The following TBXAS1 variants were observed in gnomAD, a reference collection of about 807,000 sequenced individuals.
The protein encoded by TBXAS1 is thromboxane A synthase 1.
A neutral mutation model predicts 60.7 loss-of-function variants in TBXAS1; 48 were observed. That is an observed-to-expected ratio of 0.79 (90% CI 0.63 to 1.01). The LOEUF is 1.01. TBXAS1 is among the 50% of genes least tolerant of loss of function. TBXAS1 has a pLI of 0.00. For synonymous variants in TBXAS1, 287 were observed against 269.7 expected, an observed-to-expected ratio of 1.06 and a Z score of -0.63; for missense variants, 685 against 686.3, an observed-to-expected ratio of 1.00 and a Z score of 0.02.
chr7:139,802,307 A>G (rs147176501), intron 4 of TBXAS1, among the ~76,000 whole-genome samples: 103 of 152,316 alleles, frequency 6.8e-4, no homozygotes, highest in African/African-American at 2.4e-3. Context: ...GAATAGTTGC[A>G]TAGGTTACAC....
intron 3 of TBXAS1, among the ~76,000 whole-genome samples, chr7:139,893,356 A>ACACACG (rs1803802438): frequency 6.6e-6 from 1 of 151,834 alleles, no homozygotes; most frequent in Non-Finnish European, 1.5e-5. Context: ...ACACACACAC[A>ACACACG]CACACACACA....
intron 1 of TBXAS1, among the ~76,000 whole-genome samples, chr7:139,856,268 G>A (rs188703022): frequency 6.6e-6 from 1 of 152,182 alleles, no homozygotes; most frequent in Non-Finnish European, 1.5e-5. Flanking sequence ...TTGTGGCAAT[G>A]CTCCTGCTAA....
chr7:139,954,692 A>ACTC (rs1371609256), intron 6 of TBXAS1, among the ~76,000 whole-genome samples: 1 of 152,232 alleles, frequency 6.6e-6, no homozygotes, highest in Non-Finnish European at 1.5e-5. Context: ...CTATAAGATA[A>ACTC]CAAAAAGAAT....
intron 4 of TBXAS1, among the ~76,000 whole-genome samples, chr7:139,808,168 CAA>C (rs753070484): frequency 7.3e-6 from 1 of 137,306 alleles, no homozygotes; most frequent in African/African-American, 2.7e-5. Flanking sequence ...CCCATCTCTA[CAA>C]AAAAAAAAAA....
At chr7:139,790,926 C>T (rs1797362427) in intron 4 of TBXAS1, among the ~76,000 whole-genome samples, 1 of 152,192 alleles carries the variant, frequency 6.6e-6, no homozygotes, top group South Asian at 2.1e-4. Flanking sequence ...CCTCAGCCTC[C>T]TGAGTAGCTG....
intron 3 of TBXAS1, among the ~76,000 whole-genome samples, chr7:139,786,483 CT>C (rs1165323945): frequency 1.3e-5 from 2 of 152,096 alleles, no homozygotes; most frequent in East Asian, 3.9e-4. Flanking sequence ...ACAGATAGAC[CT>C]TTTACTTCCA....
chr7:139,980,395 G>A (rs780663158), intron 9 of TBXAS1, among the ~76,000 whole-genome samples: 1 of 152,102 alleles, frequency 6.6e-6, no homozygotes, highest in Non-Finnish European at 1.5e-5. Context: ...TGGCCCGTGG[G>A]TGTAATCCAT....
At chr7:139,826,208 A>C (rs1199173155), upstream of TBXAS1, among the ~76,000 whole-genome samples, 1 of 152,044 alleles carries the variant, frequency 6.6e-6, no homozygotes, top group African/African-American at 2.4e-5. Flanking sequence ...CCCTGGAAAA[A>C]ACGAAGCTCT....
At chr7:139,848,040 CA>C (rs1360929072) in intron 1 of TBXAS1, among the ~76,000 whole-genome samples, 1 of 151,984 alleles carries the variant, frequency 6.6e-6, no homozygotes, top group African/African-American at 2.4e-5. Flanking sequence ...AGGCTGGTCT[CA>C]AGCTCTTGGC....
At chr7:139,806,819 C>T (rs1183182246) in intron 4 of TBXAS1, among the ~76,000 whole-genome samples, 6 of 152,184 alleles carry the variant, frequency 3.9e-5, no homozygotes, top group Middle Eastern at 3.2e-3. Flanking sequence ...TTTCTGTCTC[C>T]GCCCTCCTTG....
intron 9 of TBXAS1, among the ~76,000 whole-genome samples, chr7:139,983,176 G>A (rs945171614): frequency 6.6e-6 from 1 of 151,976 alleles, no homozygotes; most frequent in Non-Finnish European, 1.5e-5. Flanking sequence ...AATTGTCTTG[G>A]TACGCACCCT....
chr7:139,977,382 TACTC>T (rs1445814818), intron 9 of TBXAS1, among the ~76,000 whole-genome samples: 3 of 152,144 alleles, frequency 2.0e-5, no homozygotes, highest in Non-Finnish European at 2.9e-5. Flanking sequence ...TCGTGAGACT[TACTC>T]ACTATCACGA....
intron 8 of TBXAS1, among the ~76,000 whole-genome samples, chr7:139,958,772 C>T (rs376787035): frequency 1.3e-5 from 2 of 152,230 alleles, no homozygotes; most frequent in South Asian, 2.1e-4. Flanking sequence ...TGTAGGCAAG[C>T]TTGCAGCCCC....
In TBXAS1 at chr7:139,953,028, C is replaced by T. The variant is rs556021323; in HGVS notation, c.451-340C>T. Among the ~76,000 whole-genome samples, 12 of 152,314 alleles carry T rather than the reference C, an allele frequency of 7.9e-5. No homozygotes were observed. The East Asian group carries it at 2.3e-3, about 29-fold the overall frequency. On this transcript the variant is annotated intron_variant, in intron 5 of 12. Transcript: ENST00000448866. ...ATTAGGCTTTATTTACTTGCTAATG[C>T]TAACCAAATGTCATGAAACTGAGTA...
Position 139,905,720 on chromosome 7 carries a change from A to C in TBXAS1, c.237-5505A>C, listed in dbSNP as rs148330374. Among the ~76,000 whole-genome samples the C allele has an allele frequency of 2.1e-3, 317 of 152,266 alleles. 3 individuals carry two copies. The highest frequency in any genetic ancestry group is 7.1e-3 in the African/African-American group (294 of 41,542). On this transcript the variant is annotated intron_variant, in intron 3 of 12. Transcript: ENST00000448866. ...CAATTCTTCTTTGAATGTCTGGTAG[A>C]ATTCTGCTGTGAATCCAGATGCAAG...
chr7:139,990,776 G>A (rs1030212833), intron 9 of TBXAS1, among the ~76,000 whole-genome samples: 1 of 150,242 alleles, frequency 6.7e-6, no homozygotes, highest in Non-Finnish European at 1.5e-5. Flanking sequence ...CTGGCTGCCT[G>A]GGCCTACGAT....
At chr7:139,885,611 C>T (rs974647538) in intron 3 of TBXAS1, among the ~76,000 whole-genome samples, 1 of 152,160 alleles carries the variant, frequency 6.6e-6, no homozygotes, top group African/African-American at 2.4e-5. Context: ...CATTCCTATT[C>T]TATCTAAAAA....
At chr7:139,864,182 C>T (rs530527011) in intron 1 of TBXAS1, among the ~76,000 whole-genome samples, 1 of 151,534 alleles carries the variant, frequency 6.6e-6, no homozygotes, top group East Asian at 1.9e-4. Flanking sequence ...CAAAGAAATT[C>T]CACATGTAAA....
In TBXAS1 at chr7:139,936,141, G is replaced by A. The variant is rs1175809840; in HGVS notation, c.334-50G>A. 3 of 1,587,072 alleles carry A rather than the reference G, an allele frequency of 1.9e-6. No homozygotes were observed. In the Admixed American group the frequency reaches 5.0e-5, roughly 26 times the overall value. ...GTCATGGACCTGTATTGCCACCAAG[G>A]TGGCTTTGGCTCCCTGAGTCCTGAC... On this transcript the variant is annotated intron_variant, in intron 4 of 12. Coordinates refer to ENST00000448866, the MANE Select transcript of TBXAS1 (RefSeq NM_001061.7).
Sources: gnomAD v4.1 joint callset for allele counts (sites outside exome capture counted in the v4.1 genomes callset) on GRCh38, gnomAD v4.1.1 for gene constraint, MANE v1.5 for transcripts, NCBI Gene and HGNC (gene_info 2026-07-23, HGNC 2026-07-21) for gene names.